The following SSC5D variants were observed in gnomAD, a reference collection of about 807,000 sequenced individuals.
The protein encoded by SSC5D is scavenger receptor cysteine rich family member with 5 domains, also known as soluble scavenger receptor cysteine-rich domain-containing protein SSC5D.
SSC5D carries 106 observed loss-of-function variants against 104.6 expected under a neutral mutation model. The observed-to-expected ratio is 1.01, with a 90% CI of 0.87 to 1.19. The LOEUF (loss-of-function observed/expected upper bound fraction) is 1.19. Ranked by LOEUF, SSC5D falls within the 50% of genes most tolerant of loss-of-function variation. The probability of loss-of-function intolerance (pLI) is 0.00; values close to 1 mark genes in which losing one functional copy is unlikely to be tolerated. For missense variants in SSC5D, 1,993 were observed against 2,153.8 expected (o/e 0.93, Z 1.48); for synonymous variants, 860 against 883.5 (o/e 0.97, Z 0.47).
At position 55,508,095 on chromosome 19, in the gene SSC5D, A is replaced by C. The variant is rs181571700; in HGVS notation, c.2786-4916A>C. On this transcript the variant is annotated intron_variant, in intron 12 of 13. Coordinates refer to ENST00000389623, the MANE Select transcript of SSC5D (RefSeq NM_001144950.2). ...GGGGCACAGCAGCCAGAGTGGGGAT[A>C]TCAGGAGATATTAGCTGTGCATCCT... Among the ~76,000 whole-genome samples the C allele has an allele frequency of 3.5e-3, 532 of 152,260 alleles. 5 individuals carry two copies. The highest frequency in any genetic ancestry group is 6.2e-3 in the South Asian group (30 of 4,818).
chr19:55,510,505 C>T lies in SSC5D; in HGVS notation c.2786-2506C>T, dbSNP rs563098485. On this transcript the variant is annotated intron_variant, in intron 12 of 13. Coordinates refer to ENST00000389623, the MANE Select transcript of SSC5D (RefSeq NM_001144950.2). ...CTGGGATTACAGGCATGTTCCACCA[C>T]GCCTGGCTAATTTTTGTATTTTTAG... 2.9e-4 allele frequency among the ~76,000 whole-genome samples: 44 copies of T among 152,016 alleles called. 1 individual carries two copies. The South Asian group carries it at 7.1e-3, about 24-fold the overall frequency.
chr19:55,504,436 AG>A, intron 12 of SSC5D: 1 of 869,960 alleles, frequency 1.1e-6, no homozygotes, highest in Non-Finnish European at 1.5e-6. Context: ...TAGCTTCAGG[AG>A]CAATGTAACC....
intron 6 of SSC5D, chr19:55,492,972 G>C (rs1449331063): frequency 1.3e-5 from 2 of 152,294 alleles, no homozygotes; most frequent in Non-Finnish European, 2.9e-5. Context: ...CGAGACTGCA[G>C]TGAGCCAAGA....
Position 55,488,813 on chromosome 19 carries a change from C to T in SSC5D, c.26-193C>T, listed in dbSNP as rs537060119. On this transcript the variant is annotated intron_variant, in intron 1 of 13. Coordinates refer to ENST00000389623, the MANE Select transcript of SSC5D (RefSeq NM_001144950.2). ...AAGCCCAAGGGACCTGCCCCCTGCCCGCCCCCCAGCCCTGACCCTGCGGGG... is the reference window on the plus strand; with the variant it reads ...AAGCCCAAGGGACCTGCCCCCTGCCTGCCCCCCAGCCCTGACCCTGCGGGG... 1.1e-4 allele frequency among the ~76,000 whole-genome samples: 11 copies of T among 96,248 alleles called. No homozygotes were observed. The East Asian group carries it at 2.4e-3, about 21-fold the overall frequency. The allele number at this position is 96,248 out of a possible 152,430, so 63.1% of individuals were successfully genotyped here.
chr19:55,490,855 G>A lies in SSC5D; in HGVS notation c.670G>A (p.Asp224Asn), dbSNP rs1011079504. ...WHGGRWGTVC[D>N]DGWDLRDAAV... ...CGGCGGGCGCTGGGGCACCGTATGTGACGATGGCTGGGACCTGCGCGACGC... is the reference window on the plus strand; with the variant it reads ...CGGCGGGCGCTGGGGCACCGTATGTAACGATGGCTGGGACCTGCGCGACGC... The change falls in exon 6 of 14, where the codon GAC becomes AAC. Residue 224 changes from aspartate to asparagine, a missense_variant. Asp to Asn is a conservative substitution (Grantham distance 23, BLOSUM62 1). Around this residue, in one of 6 missense-constraint regions of SSC5D, gnomAD observed 1,101 missense variants for 1,085.0 expected, o/e 1.01. Coordinates refer to ENST00000389623, the MANE Select transcript of SSC5D (RefSeq NM_001144950.2). The A allele has an allele frequency of 1.3e-6, 2 of 1,547,336 alleles. No homozygotes were observed. Among genetic ancestry groups the A allele is most frequent in the African/African-American group, 1.4e-5 (1 of 73,086 alleles).
chr19:55,498,328 AC>A, intron 9 of SSC5D, 131 bp downstream of exon 9: 3 of 907,722 alleles, frequency 3.3e-6, no homozygotes, highest in South Asian at 1.7e-5. Context: ...TGCACATATA[AC>A]CACATTGAAA....
intron 12 of SSC5D, among the ~76,000 whole-genome samples, chr19:55,509,630 G>A (rs1433340997): frequency 1.3e-5 from 2 of 151,262 alleles, no homozygotes; most frequent in Admixed American, 1.3e-4. Flanking sequence ...GCTGAGGCAG[G>A]CAGATCACCT....
Position 55,498,187 on chromosome 19 carries a change from C to A in SSC5D, c.1695C>A (p.Val565=). The A allele has an allele frequency of 6.4e-7, 1 of 1,551,724 alleles. No homozygotes were observed. Among genetic ancestry groups the A allele is most frequent in the East Asian group, 2.4e-5 (1 of 40,924 alleles). Residue 565 remains valine (V), a synonymous_variant, in exon 9 of 14, where the codon GTC becomes GTA. Transcript: ENST00000389623. ...GCGCTCACAATGAGGATGTTGGGGT[C>A]ACCTGCACTGGTAAGGAGGCCCTAG... The part of the protein sequence containing the change: ...HNCAHNEDVG[V]TCTGPPGLDS...
In SSC5D at chr19:55,499,005, G is replaced by A. The variant is rs545440861; in HGVS notation, c.1705+808G>A. On this transcript the variant is annotated intron_variant, in intron 9 of 13. Transcript: ENST00000389623. ...GACAGCACTTCATTATCCCAGCAAC[G>A]AAGTGGGACAACACACATGAGGAAC... Among the ~76,000 whole-genome samples the A allele has an allele frequency of 2.6e-5, 4 of 152,286 alleles. No homozygotes were observed. The East Asian group carries it at 5.8e-4, about 22-fold the overall frequency.
At chr19:55,510,404 A>T (rs1987729345) in intron 12 of SSC5D, among the ~76,000 whole-genome samples, 1 of 152,154 alleles carries the variant, frequency 6.6e-6, no homozygotes, top group Non-Finnish European at 1.5e-5. Context: ...GCTTGAGTGC[A>T]GTGACATGAT....
chr19:55,500,677 G>T lies in SSC5D; in HGVS notation c.2490G>T (p.Gly830=). 6.4e-7 allele frequency: 1 copy of T among 1,551,748 alleles called. No homozygotes were observed. Among genetic ancestry groups the T allele is most frequent in the South Asian group, 1.2e-5 (1 of 84,068 alleles). Residue 830 remains glycine (G), a synonymous_variant, in exon 11 of 14, where the codon GGG becomes GGT. Coordinates refer to ENST00000389623, the MANE Select transcript of SSC5D (RefSeq NM_001144950.2). This position sits in a 1 kb window ranked among gnomAD's most constrained non-coding sequence, Gnocchi z 4.6. ...TAGGCAAAACCCATTACGGCCCTGG[G>T]ACTGGGCCCATCTGGCTGGATGACA... is the stretch of plus-strand genomic sequence containing the variant. ...PRVGKTHYGP[G]TGPIWLDDMG...
chr19:55,496,750 C>CT (rs34304244), intron 8 of SSC5D, among the ~76,000 whole-genome samples: 1,476 of 139,802 alleles, frequency 0.011, 8 homozygotes, highest in African/African-American at 0.016. Flanking sequence ...TTTTACCAGT[C>CT]TTTTTTTTTT....
Position 55,517,493 on chromosome 19 carries a change from A to G in SSC5D, c.3217A>G (p.Thr1073Ala). The change falls in exon 14 of 14, where the codon ACC becomes GCC. Residue 1073 changes from threonine (T) to alanine (A), a missense_variant. This residue lies in a region of SSC5D where 423 missense variants were observed against 409.2 expected (regional missense o/e 1.03). Coordinates refer to ENST00000389623, the MANE Select transcript of SSC5D (RefSeq NM_001144950.2). ...GACAAGCCCTGACTTTGCTTTGTCC[A>G]CCCCTGACTCCAGTGTGGTTCCCGC... ...ILTSPDFALSTPDSSVVPALT... is the reference protein window; with the variant it reads ...ILTSPDFALSAPDSSVVPALT... 6.4e-7 allele frequency: 1 copy of G among 1,550,570 alleles called. No individual in the cohort carries two copies. The highest frequency in any genetic ancestry group is 1.2e-5 in the South Asian group (1 of 84,008).
At chr19:55,515,396 C>CAAAAAAA (rs71181781) in intron 13 of SSC5D, among the ~76,000 whole-genome samples, 73 of 86,568 alleles carry the variant, frequency 8.4e-4, no homozygotes, top group African/African-American at 3.3e-3. Flanking sequence ...AACTCCGTCT[C>CAAAAAAA]AAAAAAAAAA....
intron 4 of SSC5D, 113 bp downstream of exon 4, chr19:55,490,108 C>CG (rs1555763935): frequency 4.6e-6 from 3 of 659,014 alleles, no homozygotes; most frequent in Non-Finnish European, 7.7e-6. Context: ...CTGCCCCCAC[C>CG]GAGGGGAGAG....
intron 9 of SSC5D, among the ~76,000 whole-genome samples, chr19:55,499,363 C>T (rs139559358): frequency 1.8e-4 from 27 of 152,348 alleles, no homozygotes; most frequent in East Asian, 3.9e-4. Context: ...CCTCTGTCCC[C>T]GTCTTCCTGA....
At chr19:55,491,319 G>A in intron 6 of SSC5D, 1 of 538,482 alleles carries the variant, frequency 1.9e-6, no homozygotes, top group Non-Finnish European at 3.2e-6. Context: ...CCCTGTCCCG[G>A]GGCCTAGGCC....
chr19:55,510,110 GC>G (rs1347264614), intron 12 of SSC5D, among the ~76,000 whole-genome samples: 1 of 151,876 alleles, frequency 6.6e-6, no homozygotes, highest in Non-Finnish European at 1.5e-5. Context: ...TGATTCTCAT[GC>G]CTCAGCCCCC....
intron 12 of SSC5D, among the ~76,000 whole-genome samples, 175 bp from the exon 13 acceptor site, chr19:55,512,836 C>T (rs1246299805): frequency 6.6e-6 from 1 of 152,094 alleles, no homozygotes; most frequent in Non-Finnish European, 1.5e-5. Context: ...TCGTTGGTAG[C>T]CAAAAACATC....
Sources: allele counts gnomAD v4.1 joint callset (sites outside exome capture counted in the v4.1 genomes callset), GRCh38; gene constraint gnomAD v4.1.1; regional missense constraint gnomAD v4.1.1; non-coding constraint Gnocchi (gnomAD v3.1); transcripts MANE v1.5; gene names NCBI Gene and HGNC (gene_info 2026-07-23, HGNC 2026-07-21).